Variants in SEPTIN11 observed in about 807,000 individuals in gnomAD.
The protein encoded by SEPTIN11 is septin 11, also known as septin-11.
SEPTIN11 carries 25 observed loss-of-function variants against 51.4 expected under a neutral mutation model. The ratio of observed to expected loss-of-function variants is 0.49; its 90% CI spans 0.35 to 0.68. The LOEUF (loss-of-function observed/expected upper bound fraction) is 0.68, where lower values mean the gene tolerates loss of function less well. SEPTIN11 is among the 30% of genes least tolerant of loss of function. The pLI is 0.00. For missense variants in SEPTIN11, 381 were observed against 520.8 expected (o/e 0.73, Z 2.61); for synonymous variants, 174 against 184.1 (o/e 0.95, Z 0.44).
intron 3 of SEPTIN11, among the ~76,000 whole-genome samples, chr4:77,010,315 A>G (rs547567797): frequency 1.3e-5 from 2 of 152,238 alleles, no homozygotes; most frequent in Non-Finnish European, 2.9e-5. Context: ...TAACTATCTC[A>G]TTAAATATTA....
At chr4:76,965,364 T>A (rs1477932176) in intron 1 of SEPTIN11, among the ~76,000 whole-genome samples, 1 of 150,400 alleles carries the variant, frequency 6.6e-6, no homozygotes, top group Admixed American at 6.7e-5. Flanking sequence ...GGATGGAGAA[T>A]CACTTGAACC....
At chr4:76,980,620 G>A (rs1213837619) in intron 1 of SEPTIN11, among the ~76,000 whole-genome samples, 8 of 152,156 alleles carry the variant, frequency 5.3e-5, no homozygotes, top group Admixed American at 5.2e-4. Context: ...CTCTCTATGT[G>A]GGAAGGGATT....
intron 8 of SEPTIN11, among the ~76,000 whole-genome samples, chr4:77,029,388 C>T (rs1440121118): frequency 6.6e-6 from 1 of 152,098 alleles, no homozygotes; most frequent in East Asian, 1.9e-4. Context: ...TCTATTTCTG[C>T]TGGTCAATAA....
intron 1 of SEPTIN11, among the ~76,000 whole-genome samples, chr4:76,985,435 C>T (rs1026922939): frequency 2.0e-5 from 3 of 152,140 alleles, no homozygotes; most frequent in African/African-American, 7.2e-5. Flanking sequence ...CTGTTCACTT[C>T]GGATACCTGT....
intron 8 of SEPTIN11, among the ~76,000 whole-genome samples, chr4:77,030,484 G>A (rs560820541): frequency 1.3e-5 from 2 of 152,082 alleles, no homozygotes; most frequent in South Asian, 2.1e-4. Context: ...TGCAACCTCC[G>A]CCTCCCAGGT....
intron 2 of SEPTIN11, among the ~76,000 whole-genome samples, chr4:76,996,883 C>CTTTTT (rs567525535): frequency 1.6e-5 from 2 of 126,332 alleles, no homozygotes; most frequent in African/African-American, 5.9e-5. Context: ...CTAGCCATAT[C>CTTTTT]TTTTTTTTTT....
In SEPTIN11 at chr4:76,967,531, T is replaced by C. The variant is rs117677056; in HGVS notation, c.27+17601T>C. On this transcript the variant is annotated intron_variant, in intron 1 of 9. Coordinates refer to ENST00000264893, the MANE Select transcript of SEPTIN11 (RefSeq NM_018243.4). Reference sequence around the variant, plus strand: ...AGGAAATGGGGGCCTGATGGTGCCATAGTCTTCAGTTTTTCAAAAGAAGAG... The same window carrying C: ...AGGAAATGGGGGCCTGATGGTGCCACAGTCTTCAGTTTTTCAAAAGAAGAG... Among the ~76,000 whole-genome samples the C allele has an allele frequency of 3.3e-4, 50 of 152,296 alleles. No individual in the cohort carries two copies. In the East Asian group the frequency reaches 9.3e-3, roughly 28 times the overall value.
chr4:77,019,452 G>A (rs942545434), intron 6 of SEPTIN11, among the ~76,000 whole-genome samples, 191 bp downstream of exon 6: 1 of 152,212 alleles, frequency 6.6e-6, no homozygotes, highest in African/African-American at 2.4e-5. Flanking sequence ...GGTAGACAAT[G>A]GAGAGACATG....
At chr4:76,960,935 C>T (rs756040265) in intron 1 of SEPTIN11, among the ~76,000 whole-genome samples, 1 of 152,212 alleles carries the variant, frequency 6.6e-6, no homozygotes, top group Non-Finnish European at 1.5e-5. Flanking sequence ...GTTCCAACCT[C>T]CTGTCTCAAG....
At chr4:76,950,050 G>A in intron 1 of SEPTIN11, 120 bp downstream of exon 1, 72 of 853,642 alleles carry the variant, frequency 8.4e-5, no homozygotes, top group Non-Finnish European at 1.1e-4. Flanking sequence ...GGCGGCGACG[G>A]CTGTGGGTGT....
chr4:77,025,295 G>A lies in SEPTIN11; in HGVS notation c.954-3334G>A, dbSNP rs77053053. Among the ~76,000 whole-genome samples, 86 of 152,190 alleles carry A rather than the reference G, an allele frequency of 5.7e-4. 1 individual carries two copies. In the East Asian group the frequency reaches 0.012, roughly 21 times the overall value. On this transcript the variant is annotated intron_variant, in intron 7 of 9. Coordinates refer to ENST00000264893, the MANE Select transcript of SEPTIN11 (RefSeq NM_018243.4). ...CTCACACCTGAAATCCCAGCACTCC[G>A]GGAGGCTGAGGTAGGAGGATCACCT...
intron 3 of SEPTIN11, chr4:77,010,033 T>C (rs1724753103): frequency 6.6e-6 from 1 of 152,200 alleles, no homozygotes; most frequent in Non-Finnish European, 1.5e-5. Flanking sequence ...AAAGTCAGGC[T>C]TGATTCTATA....
chr4:77,018,251 C>T (rs568846545), intron 5 of SEPTIN11, among the ~76,000 whole-genome samples: 3 of 152,182 alleles, frequency 2.0e-5, no homozygotes, highest in Admixed American at 1.3e-4. Context: ...GAGATCGAGA[C>T]CATCCTGGCT....
At chr4:77,017,793 A>T (rs1439236125) in intron 5 of SEPTIN11, among the ~76,000 whole-genome samples, 1 of 152,222 alleles carries the variant, frequency 6.6e-6, no homozygotes, top group Non-Finnish European at 1.5e-5. Context: ...TGCTAATAGA[A>T]AAAAGATAGG....
intron 1 of SEPTIN11, among the ~76,000 whole-genome samples, chr4:76,956,010 G>A (rs1171048939): frequency 6.6e-6 from 1 of 152,166 alleles, no homozygotes; most frequent in Non-Finnish European, 1.5e-5. Flanking sequence ...AAACTCATTG[G>A]ATTTTATGAA....
In SEPTIN11 at chr4:77,035,257, G is replaced by A. The variant is rs1471568343; in HGVS notation, c.*745G>A. 1.3e-5 allele frequency: 13 copies of A among 985,186 alleles called. No individual in the cohort carries two copies. Among genetic ancestry groups the A allele is most frequent in the East Asian group, 2.3e-4 (2 of 8,808 alleles). 61.0% of individuals were successfully genotyped at this position (985,186 alleles called of 1,614,324 possible). On this transcript the variant is annotated 3_prime_UTR_variant, in exon 10 of 10. Transcript: ENST00000264893. The stretch of plus-strand genomic sequence containing the variant: ...CCTCTCACAGATAGAGGTCTTAAAG[G>A]TTGGATCATGTAACATTGCTTAGTA...
At chr4:77,016,629 T>TATATATATATACAC (rs1327433380) in intron 5 of SEPTIN11, among the ~76,000 whole-genome samples, 5 of 74,050 alleles carry the variant, frequency 6.8e-5, no homozygotes, top group African/African-American at 3.1e-4. Flanking sequence ...TATATATATA[T>TATATATATATACAC]ACACATATAT....
At chr4:76,962,594 C>T (rs1721867610) in intron 1 of SEPTIN11, among the ~76,000 whole-genome samples, 1 of 152,160 alleles carries the variant, frequency 6.6e-6, no homozygotes, top group African/African-American at 2.4e-5. Context: ...ATATTTAATT[C>T]CTTTCACACC....
chr4:76,960,998 T>C (rs1029176455), intron 1 of SEPTIN11, among the ~76,000 whole-genome samples: 2 of 152,192 alleles, frequency 1.3e-5, no homozygotes, highest in African/African-American at 4.8e-5. Context: ...ACCTTCTGTG[T>C]TACTTGTCCT....
Sources: gnomAD v4.1 joint callset for allele counts (sites outside exome capture counted in the v4.1 genomes callset) on GRCh38, gnomAD v4.1.1 for gene constraint, MANE v1.5 for transcripts, NCBI Gene and HGNC (gene_info 2026-07-23, HGNC 2026-07-21) for gene names.